Variants in GALNT17 observed in about 807,000 individuals in gnomAD.
GALNT17 encodes polypeptide N-acetylgalactosaminyltransferase 17.
In GALNT17, 29 loss-of-function variants were observed where a neutral mutation model predicts 63.7. That is an observed-to-expected ratio of 0.46 (90% CI 0.34 to 0.62). The LOEUF is 0.62. Among genes scored for constraint, GALNT17 ranks in the 20% least tolerant of loss-of-function variants. The pLI is 0.01. For synonymous variants in GALNT17, 305 were observed against 318.3 expected (o/e 0.96, Z 0.45); for missense variants, 603 against 799.6 (o/e 0.75, Z 2.97).
chr7:71,392,101 G>C (rs1041039280), intron 3 of GALNT17, among the ~76,000 whole-genome samples: 4 of 152,148 alleles, frequency 2.6e-5, no homozygotes, highest in Admixed American at 6.5e-5. Flanking sequence ...ATTTCAACAT[G>C]AGATTTGGAG....
chr7:71,592,563 C>CACAGCATACTAAAATAAAATAAAATAAAA (rs373112898), intron 6 of GALNT17, among the ~76,000 whole-genome samples: 1 of 69,954 alleles, frequency 1.4e-5, no homozygotes, highest in Non-Finnish European at 3.1e-5. Context: ...GCATAGCATA[C>CACAGCATACTAAAATAAAATAAAATAAAA]TAAAATAAAA....
intron 5 of GALNT17, among the ~76,000 whole-genome samples, chr7:71,525,736 C>CTTTTTTTTTTTTTTTTTTTT (rs71089950): frequency 1.3e-5 from 1 of 75,060 alleles, no homozygotes; most frequent in Non-Finnish European, 2.5e-5. Flanking sequence ...TATGTCTTTT[C>CTTTTTTTTTTTTTTTTTTTT]TTTTTTTTTT....
At chr7:71,388,727 A>G (rs895496082) in intron 3 of GALNT17, among the ~76,000 whole-genome samples, 1 of 151,858 alleles carries the variant, frequency 6.6e-6, no homozygotes, top group Non-Finnish European at 1.5e-5. Flanking sequence ...GGGTTTCACC[A>G]TGTTGGCCAG....
At chr7:71,465,549 T>G (rs1447884422) in intron 5 of GALNT17, among the ~76,000 whole-genome samples, 1 of 152,218 alleles carries the variant, frequency 6.6e-6, no homozygotes, top group Non-Finnish European at 1.5e-5. Context: ...CTTTGATCTC[T>G]CCAGGATAAC....
At chr7:71,522,185 T>G (rs1040109274) in intron 5 of GALNT17, among the ~76,000 whole-genome samples, 4 of 152,118 alleles carry the variant, frequency 2.6e-5, no homozygotes, top group African/African-American at 9.7e-5. Flanking sequence ...AGGGCTTCTG[T>G]GAGTTCCTTG....
intron 6 of GALNT17, among the ~76,000 whole-genome samples, chr7:71,639,299 A>G (rs1000929883): frequency 3.9e-5 from 6 of 152,182 alleles, no homozygotes; most frequent in Non-Finnish European, 5.9e-5. Flanking sequence ...CTTGAATGGC[A>G]CTTGGTGATT....
intron 5 of GALNT17, among the ~76,000 whole-genome samples, chr7:71,503,515 G>A (rs1424267287): frequency 6.6e-6 from 1 of 152,150 alleles, no homozygotes; most frequent in Non-Finnish European, 1.5e-5. Context: ...AGAATTACAG[G>A]CATGAACCAG....
intron 1 of GALNT17, among the ~76,000 whole-genome samples, chr7:71,251,989 G>T (rs541897293): frequency 1.1e-3 from 164 of 152,188 alleles, no homozygotes; most frequent in Non-Finnish European, 1.8e-3. Context: ...TCAGCCTCGG[G>T]CTGTGATCCA....
chr7:71,439,764 T>G (rs2116513734), intron 5 of GALNT17, among the ~76,000 whole-genome samples: 1 of 152,236 alleles, frequency 6.6e-6, no homozygotes, highest in South Asian at 2.1e-4. Context: ...GAAGCAGCCA[T>G]CCCATTAATT....
intron 5 of GALNT17, among the ~76,000 whole-genome samples, chr7:71,503,082 T>C (rs1788206194): frequency 6.6e-6 from 1 of 152,168 alleles, no homozygotes; most frequent in African/African-American, 2.4e-5. Context: ...TTCTTACTTG[T>C]TGGGCTACTT....
chr7:71,618,328 C>T (rs1790247266), intron 6 of GALNT17, among the ~76,000 whole-genome samples: 1 of 152,050 alleles, frequency 6.6e-6, no homozygotes, highest in South Asian at 2.1e-4. Context: ...GGATAGATAC[C>T]CAGTAATGGG....
rs185384709 is a variant in GALNT17, at chr7:71,466,984, G to A, written c.962+45879G>A. Among the ~76,000 whole-genome samples the A allele has an allele frequency of 4.9e-4, 75 of 151,882 alleles. 5 individuals carry two copies. The highest frequency in any genetic ancestry group is 2.9e-3 in the East Asian group (15 of 5,126). On this transcript the variant is annotated intron_variant, in intron 5 of 10. Transcript: ENST00000333538. ...GCTCAAGACCTCCTGAGGCTGTCAC[G>A]GGCCATGGCCCTTAACCTGGGCAAA...
At chr7:71,536,932 C>A (rs577235790) in intron 5 of GALNT17, among the ~76,000 whole-genome samples, 1 of 152,324 alleles carries the variant, frequency 6.6e-6, no homozygotes, top group East Asian at 1.9e-4. Context: ...CCAGCCCCTG[C>A]ACAGGGACCT....
At chr7:71,219,127 G>A (rs1437273437) in intron 1 of GALNT17, among the ~76,000 whole-genome samples, 1 of 152,116 alleles carries the variant, frequency 6.6e-6, no homozygotes, top group African/African-American at 2.4e-5. Flanking sequence ...GATATTTGCA[G>A]CAACTCTATT....
intron 1 of GALNT17, among the ~76,000 whole-genome samples, chr7:71,216,474 G>A (rs772808838): frequency 4.6e-5 from 7 of 152,060 alleles, no homozygotes; most frequent in Non-Finnish European, 8.8e-5. Flanking sequence ...TTTGCTTTTG[G>A]AGGGGAGAGG....
At chr7:71,279,366 T>C (rs1583823881) in intron 1 of GALNT17, among the ~76,000 whole-genome samples, 1 of 152,192 alleles carries the variant, frequency 6.6e-6, no homozygotes, top group East Asian at 1.9e-4. Context: ...TGAGGGTAAC[T>C]GCCCCCATGA....
intron 3 of GALNT17, among the ~76,000 whole-genome samples, chr7:71,398,769 A>G (rs2116379358): frequency 6.6e-6 from 1 of 152,376 alleles, no homozygotes; most frequent in East Asian, 1.9e-4. Flanking sequence ...TGATCGCACA[A>G]TAATAGGTAT....
intron 3 of GALNT17, among the ~76,000 whole-genome samples, chr7:71,415,073 A>G (rs1793500721): frequency 6.6e-6 from 1 of 152,094 alleles, no homozygotes. Flanking sequence ...GCAGTAGTGT[A>G]ACTATAGCTC....
At chr7:71,198,786 A>G (rs1488817291) in intron 1 of GALNT17, among the ~76,000 whole-genome samples, 1 of 152,142 alleles carries the variant, frequency 6.6e-6, no homozygotes, top group Non-Finnish European at 1.5e-5. Flanking sequence ...TTATAAAGAG[A>G]CTGTATTTTG....
Sources: allele counts gnomAD v4.1 joint callset (sites outside exome capture counted in the v4.1 genomes callset), GRCh38; gene constraint gnomAD v4.1.1; transcripts MANE v1.5; gene names NCBI Gene and HGNC (gene_info 2026-07-23, HGNC 2026-07-21).